The following MAPKAP1 variants were observed in gnomAD, a reference collection of about 807,000 sequenced individuals.
MAPKAP1 encodes target of rapamycin complex 2 subunit MAPKAP1.
Under a neutral mutation model 65.7 loss-of-function variants are expected in MAPKAP1, and 20 were observed. That is an observed-to-expected ratio of 0.30 (90% CI 0.21 to 0.44). The LOEUF is 0.44. Among genes scored for constraint, MAPKAP1 ranks in the 20% least tolerant of loss-of-function variants. The pLI is 1.00. For synonymous variants in MAPKAP1, 222 were observed against 244.3 expected, an observed-to-expected ratio of 0.91 and a Z score of 0.85; for missense variants, 423 against 648.0, an observed-to-expected ratio of 0.65 and a Z score of 3.77.
At chr9:125,552,741 G>A (rs1830619471) in intron 6 of MAPKAP1, among the ~76,000 whole-genome samples, 1 of 152,026 alleles carries the variant, frequency 6.6e-6, no homozygotes, top group African/African-American at 2.4e-5. Flanking sequence ...AGAGCCCCCA[G>A]GAATCAACAG....
intron 8 of MAPKAP1, among the ~76,000 whole-genome samples, chr9:125,488,155 T>C (rs1166623507): frequency 6.6e-6 from 1 of 152,160 alleles, no homozygotes; most frequent in Non-Finnish European, 1.5e-5. Flanking sequence ...CATTTGAGGA[T>C]TTAAGTCCCC....
At chr9:125,571,619 G>A (rs905424532) in intron 5 of MAPKAP1, among the ~76,000 whole-genome samples, 7 of 152,136 alleles carry the variant, frequency 4.6e-5, no homozygotes, top group African/African-American at 1.7e-4. Context: ...CACTTTGGGA[G>A]GCCGAGGCAG....
At chr9:125,596,658 G>C in intron 4 of MAPKAP1, 1 of 602,558 alleles carries the variant, frequency 1.7e-6, no homozygotes, top group Non-Finnish European at 3.2e-6. Flanking sequence ...CTTAACAGGA[G>C]AGGAGAGCCA....
chr9:125,654,595 C>T (rs477813), intron 4 of MAPKAP1, among the ~76,000 whole-genome samples: 85,672 of 151,956 alleles, frequency 0.56, 24,382 homozygotes, highest in East Asian at 0.67. Context: ...CAATTTCATG[C>T]CTTAAAAAAT....
chr9:125,701,800 T>C (rs749189833), intron 1 of MAPKAP1, among the ~76,000 whole-genome samples: 1 of 152,194 alleles, frequency 6.6e-6, no homozygotes, highest in Non-Finnish European at 1.5e-5. Context: ...AATAGAAGTG[T>C]TATAAGGTCA....
chr9:125,600,112 G>A (rs1246834233), intron 4 of MAPKAP1, among the ~76,000 whole-genome samples: 1 of 151,354 alleles, frequency 6.6e-6, no homozygotes, highest in Non-Finnish European at 1.5e-5. Context: ...TTGATTAATA[G>A]CCTCAAATAA....
intron 5 of MAPKAP1, among the ~76,000 whole-genome samples, chr9:125,560,797 C>T: frequency 6.6e-6 from 1 of 152,204 alleles, no homozygotes; most frequent in Admixed American, 6.5e-5. Flanking sequence ...CTCTTGACTA[C>T]TTCTGCACAC....
At chr9:125,551,728 A>G (rs1426530772) in intron 6 of MAPKAP1, among the ~76,000 whole-genome samples, 1 of 151,892 alleles carries the variant, frequency 6.6e-6, no homozygotes, top group East Asian at 1.9e-4. Flanking sequence ...GTCAACACAT[A>G]TAAGGTAATA....
intron 8 of MAPKAP1, 37 bp downstream of exon 8, chr9:125,506,273 C>T (rs900470028): frequency 2.1e-5 from 33 of 1,554,546 alleles, no homozygotes; most frequent in African/African-American, 2.7e-5. Flanking sequence ...AAGTTTGCAA[C>T]GGACAAAGCG....
intron 3 of MAPKAP1, among the ~76,000 whole-genome samples, chr9:125,659,573 C>T (rs1245426217): frequency 6.6e-6 from 1 of 152,074 alleles, no homozygotes; most frequent in African/African-American, 2.4e-5. Context: ...TTACCTTAGG[C>T]CAGCCCTTCC....
chr9:125,617,240 G>A (rs1023548513), intron 4 of MAPKAP1, among the ~76,000 whole-genome samples: 5 of 152,186 alleles, frequency 3.3e-5, no homozygotes, highest in African/African-American at 9.7e-5. Context: ...CAGAAGGATC[G>A]CTTAAGCCTT....
chr9:125,660,230 A>G (rs1045978666), intron 3 of MAPKAP1, among the ~76,000 whole-genome samples: 1 of 152,198 alleles, frequency 6.6e-6, no homozygotes, highest in East Asian at 1.9e-4. Context: ...GGGCAAAACT[A>G]AATTGTGGTG....
At chr9:125,553,342 G>C (rs1362095981) in intron 6 of MAPKAP1, among the ~76,000 whole-genome samples, 2 of 152,176 alleles carry the variant, frequency 1.3e-5, no homozygotes, top group African/African-American at 4.8e-5. Flanking sequence ...AGGACTTCGA[G>C]ACCAGCCTGG....
intron 3 of MAPKAP1, among the ~76,000 whole-genome samples, 157 bp downstream of exon 3, chr9:125,669,661 A>G (rs1213511602): frequency 2.0e-5 from 3 of 152,234 alleles, no homozygotes; most frequent in African/African-American, 7.2e-5. Context: ...ATATAGCTTC[A>G]GAGGGTCAAG....
rs931071247 is a variant in MAPKAP1, at chr9:125,585,736, A to G, written c.499-9T>C. 1 of 1,613,176 alleles carries G rather than the reference A, an allele frequency of 6.2e-7. No individual in the cohort carries two copies. The highest frequency in any genetic ancestry group is 8.5e-7 in the Non-Finnish European group (1 of 1,179,232). Reference sequence around the variant, plus strand: ...GTTGTACCTACATGACCCTGTGGACAGAACAAACACGTGAGAGCAAAGCAC... The same window carrying G: ...GTTGTACCTACATGACCCTGTGGACGGAACAAACACGTGAGAGCAAAGCAC... On this transcript the variant is annotated splice_polypyrimidine_tract_variant and intron_variant, in intron 4 of 11. Transcript: ENST00000265960.
chr9:125,631,829 C>T (rs1242634144), intron 4 of MAPKAP1, among the ~76,000 whole-genome samples: 1 of 152,198 alleles, frequency 6.6e-6, no homozygotes, highest in African/African-American at 2.4e-5. Flanking sequence ...GCCTAACCTC[C>T]TCCCATCCTT....
chr9:125,446,212 G>A (rs1423320806), intron 10 of MAPKAP1, among the ~76,000 whole-genome samples: 1 of 152,050 alleles, frequency 6.6e-6, no homozygotes, highest in African/African-American at 2.4e-5. Flanking sequence ...GTACATTTGT[G>A]GCCAGAAAAG....
At chr9:125,528,847 CAAAAAAAAAAA>C (rs61378848) in intron 7 of MAPKAP1, among the ~76,000 whole-genome samples, 1 of 44,124 alleles carries the variant, frequency 2.3e-5, no homozygotes, top group African/African-American at 9.7e-5. Context: ...GACTCCGTCT[CAAAAAAAAAAA>C]AAAAAAAAAA....
At chr9:125,464,978 T>A (rs768660946) in intron 10 of MAPKAP1, among the ~76,000 whole-genome samples, 12 of 152,104 alleles carry the variant, frequency 7.9e-5, no homozygotes, top group Non-Finnish European at 1.6e-4. Flanking sequence ...GACAAACATG[T>A]CTCAACTAAG....
Sources: gnomAD v4.1 joint callset for allele counts (sites outside exome capture counted in the v4.1 genomes callset) on GRCh38, gnomAD v4.1.1 for gene constraint, MANE v1.5 for transcripts, NCBI Gene and HGNC (gene_info 2026-07-23, HGNC 2026-07-21) for gene names.